Variants in ZNF681 observed in about 807,000 individuals in gnomAD.
The protein encoded by ZNF681 is hypothetical protein FLJ31526.
A neutral mutation model predicts 56.0 loss-of-function variants in ZNF681; 37 were observed. The observed-to-expected ratio is 0.66, with a 90% CI of 0.51 to 0.87. The LOEUF is 0.87. ZNF681 is among the 40% of genes least tolerant of loss of function. The pLI is 0.00. For synonymous variants in ZNF681, 225 were observed against 248.6 expected, an observed-to-expected ratio of 0.91 and a Z score of 0.89; for missense variants, 741 against 744.9, an observed-to-expected ratio of 0.99 and a Z score of 0.06.
In ZNF681 at chr19:23,743,972, T is replaced by G; in HGVS notation, c.1578A>C (p.Lys526Asn). 1 of 1,612,600 alleles carries G rather than the reference T, an allele frequency of 6.2e-7. No homozygotes were observed. Among genetic ancestry groups the G allele is most frequent in the Middle Eastern group, 1.7e-4 (1 of 6,052 alleles). The change falls in exon 4 of 4, where the codon AAA (lysine) becomes AAC (asparagine). Residue 526 changes from lysine to asparagine, a missense_variant. Coordinates refer to ENST00000402377, the MANE Select transcript of ZNF681 (RefSeq NM_138286.3). ...TGTAGGGTTTCTCTCCAGTATGAAT[T>G]TTCTTATGTTCAGTAAGTTTTGAGG... ...YRSSKLTEHKKIHTGEKPYTC... is the reference protein window; with the variant it reads ...YRSSKLTEHKNIHTGEKPYTC...
At chr19:23,748,272 A>G (rs1968974945) in intron 3 of ZNF681, among the ~76,000 whole-genome samples, 1 of 152,184 alleles carries the variant, frequency 6.6e-6, no homozygotes. Flanking sequence ...GAGGGTCATG[A>G]CCAACTCAGC....
At chr19:23,750,323 G>T (rs1331257642) in intron 3 of ZNF681, among the ~76,000 whole-genome samples, 1 of 142,970 alleles carries the variant, frequency 7.0e-6, no homozygotes, top group East Asian at 2.1e-4. Context: ...AACTAAGAAA[G>T]AATATATACA....
chr19:23,747,657 A>G (rs1453116225), intron 3 of ZNF681, among the ~76,000 whole-genome samples: 1 of 151,678 alleles, frequency 6.6e-6, no homozygotes, highest in East Asian at 1.9e-4. Context: ...AAAAAAAAAA[A>G]AAAATCCCCA....
At chr19:23,750,265 C>T in intron 3 of ZNF681, among the ~76,000 whole-genome samples, 1 of 124,682 alleles carries the variant, frequency 8.0e-6, no homozygotes, top group South Asian at 2.7e-4. Flanking sequence ...GCCTGGGCGA[C>T]AGAGTGAGAC....
Position 23,742,499 on chromosome 19 carries a change from A to T in ZNF681, c.*1113T>A, listed in dbSNP as rs1413202814. On this transcript the variant is annotated 3_prime_UTR_variant, in exon 4 of 4. Transcript: ENST00000402377. ...AGAGCAAAACTCTGTCTCAAAAAAA[A>T]AAAAAGTACAATTAGTAAAATGATA... 6.6e-6 allele frequency: 1 copy of T among 152,134 alleles called. No individual in the cohort carries two copies. The highest frequency in any genetic ancestry group is 1.5e-5 in the Non-Finnish European group (1 of 68,038). The allele number at this position is 152,134 out of a possible 1,614,324, so 9.4% of individuals were successfully genotyped here.
At position 23,739,716 on chromosome 19, in the gene ZNF681, A is replaced by G. The variant is rs1256292261; in HGVS notation, c.*3896T>C. The stretch of plus-strand genomic sequence containing the variant: ...ACGCAAAATAATAGAAAATGTTTTT[A>G]TCTAAAAGCTGCCATGATCTTCGAA... On this transcript the variant is annotated 3_prime_UTR_variant, in exon 4 of 4. Coordinates refer to ENST00000402377, the MANE Select transcript of ZNF681 (RefSeq NM_138286.3). 1 of 152,198 alleles carries G rather than the reference A, an allele frequency of 6.6e-6. No individual in the cohort carries two copies. The highest frequency in any genetic ancestry group is 2.4e-5 in the African/African-American group (1 of 41,448). The allele number at this position is 152,198 out of a possible 1,614,324, so 9.4% of individuals were successfully genotyped here.
rs773675910 is a variant in ZNF681 at position 23,744,494 on chromosome 19, G to C, written c.1056C>G (p.His352Gln). The change falls in exon 4 of 4, where the codon CAC (histidine) becomes CAG (glutamine). Residue 352 changes from histidine to glutamine, a missense_variant. Coordinates refer to ENST00000402377, the MANE Select transcript of ZNF681 (RefSeq NM_138286.3). The part of the protein sequence containing the change: ...ECGKAFNQSS[H>Q]LTRHKIIHTG... ...TATGAATTATCTTATGTCTGGTAAG[G>C]TGTGAGGACTGGTTAAAGGCTTTGC... 1 of 1,604,980 alleles carries C rather than the reference G, an allele frequency of 6.2e-7. No individual in the cohort carries two copies. Among genetic ancestry groups the C allele is most frequent in the Admixed American group, 1.7e-5 (1 of 58,544 alleles).
rs1968871677 is a variant in ZNF681 at position 23,741,328 on chromosome 19, G to C, written c.*2284C>G. The C allele has an allele frequency of 6.6e-6, 1 of 152,124 alleles. No homozygotes were observed. Among genetic ancestry groups the C allele is most frequent in the Non-Finnish European group, 1.5e-5 (1 of 68,022 alleles). The allele number at this position is 152,124 out of a possible 1,614,324, so 9.4% of individuals were successfully genotyped here. On this transcript the variant is annotated 3_prime_UTR_variant, in exon 4 of 4. Coordinates refer to ENST00000402377, the MANE Select transcript of ZNF681 (RefSeq NM_138286.3). ...ATAACAATTTTTTAATGTTAATTCAGGTCTCAGAAATGTATGCATTTTGTT... is the reference window on the plus strand; with the variant it reads ...ATAACAATTTTTTAATGTTAATTCACGTCTCAGAAATGTATGCATTTTGTT...
intron 1 of ZNF681, among the ~76,000 whole-genome samples, chr19:23,758,456 C>T (rs1418123921): frequency 6.6e-6 from 1 of 152,190 alleles, no homozygotes; most frequent in African/African-American, 2.4e-5. Context: ...CGTCAGGATT[C>T]GCCCCTGACG....
intron 1 of ZNF681, among the ~76,000 whole-genome samples, chr19:23,757,303 C>T (rs750091416): frequency 1.3e-5 from 2 of 151,796 alleles, no homozygotes; most frequent in African/African-American, 2.4e-5. Context: ...TTTATAACAC[C>T]CTGGGAGCTG....
At position 23,755,035 on chromosome 19, in the gene ZNF681, C is replaced by A. The variant is rs140612368; in HGVS notation, c.131-117G>T. On this transcript the variant is annotated intron_variant, in intron 2 of 3. Coordinates refer to ENST00000402377, the MANE Select transcript of ZNF681 (RefSeq NM_138286.3). The stretch of plus-strand genomic sequence containing the variant: ...ATTCTTGTAAATCAATCCCAAAATA[C>A]TGATTTATAAAAGAAATTTCTAAAT... 367 of 682,108 alleles carry A rather than the reference C, an allele frequency of 5.4e-4. 3 individuals are homozygous for A. In the East Asian group the frequency reaches 7.8e-3, roughly 14 times the overall value. The allele number at this position is 682,108 out of a possible 1,614,324, so 42.3% of individuals were successfully genotyped here. A position where few individuals can be genotyped will look rare whatever the true frequency, so the allele number is the denominator to read the frequency against.
rs1260271607 is a variant in ZNF681 at position 23,743,971 on chromosome 19, T to G, written c.1579A>C (p.Ile527Leu). The change falls in exon 4 of 4, where the codon ATT becomes CTT. Residue 527 changes from isoleucine to leucine, a missense_variant. Physicochemically the swap from Ile to Leu is conservative, Grantham distance 5. Transcript: ENST00000402377. Reference protein sequence around the residue: ...RSSKLTEHKKIHTGEKPYTCE... With the variant: ...RSSKLTEHKKLHTGEKPYTCE... ...GTGTAGGGTTTCTCTCCAGTATGAATTTTCTTATGTTCAGTAAGTTTTGAG... is the reference window on the plus strand; with the variant it reads ...GTGTAGGGTTTCTCTCCAGTATGAAGTTTCTTATGTTCAGTAAGTTTTGAG... 1 of 1,612,790 alleles carries G rather than the reference T, an allele frequency of 6.2e-7. No individual in the cohort carries two copies. The highest frequency in any genetic ancestry group is 8.5e-7 in the Non-Finnish European group (1 of 1,179,880).
rs1968879328 is a variant in ZNF681 at position 23,741,972 on chromosome 19, G to T, written c.*1640C>A. 1 of 151,926 alleles carries T rather than the reference G, an allele frequency of 6.6e-6. No homozygotes were observed. The highest frequency in any genetic ancestry group is 2.4e-5 in the African/African-American group (1 of 41,340). The allele number at this position is 151,926 out of a possible 1,614,324, so 9.4% of individuals were successfully genotyped here. ...TTCTCTGACTTATTTGCAATTTAAA[G>T]CCACTGGCAAAACAGATTACTAGAA... is the stretch of plus-strand genomic sequence containing the variant. On this transcript the variant is annotated 3_prime_UTR_variant, in exon 4 of 4. Coordinates refer to ENST00000402377, the MANE Select transcript of ZNF681 (RefSeq NM_138286.3).
rs1169636658 is a variant in ZNF681, at chr19:23,744,119, G to A, written c.1431C>T (p.Pro477=). 2 of 1,612,228 alleles carry A rather than the reference G, an allele frequency of 1.2e-6. No individual in the cohort carries two copies. Among genetic ancestry groups the A allele is most frequent in the Admixed American group, 3.3e-5 (2 of 60,000 alleles). The change falls in exon 4 of 4, where the codon CCC becomes CCT. Residue 477 remains proline, a synonymous_variant. Transcript: ENST00000402377. The part of the protein sequence containing the change: ...THKRIHTGEK[P]YKCEECGKAF... Reference sequence around the variant, plus strand: ...CTTTGCCACATTCTTCACATTTGTAGGGTTTCTCTCCAGTATGAATTCTTT... The same window carrying A: ...CTTTGCCACATTCTTCACATTTGTAAGGTTTCTCTCCAGTATGAATTCTTT...
rs1307845801 is a variant in ZNF681 at position 23,750,297 on chromosome 19, A to ACAC, written c.226+4525_226+4526insGTG. On this transcript the variant is annotated intron_variant, in intron 3 of 3. Coordinates refer to ENST00000402377, the MANE Select transcript of ZNF681 (RefSeq NM_138286.3). Reference sequence around the variant, plus strand: ...AGACTCCAACTCAAAAAAAAAAAAAAAAAAAACCAAAAAACAACTAAGAAA... The same window carrying ACAC: ...AGACTCCAACTCAAAAAAAAAAAAAACACAAAAAACCAAAAAACAACTAAGAAA... 6.2e-4 allele frequency among the ~76,000 whole-genome samples: 18 copies of ACAC among 29,154 alleles called. 2 individuals carry two copies. In the South Asian group the frequency reaches 0.01, roughly 17 times the overall value. The allele number at this position is 29,154 out of a possible 152,430, so 19.1% of individuals were successfully genotyped here.
intron 3 of ZNF681, among the ~76,000 whole-genome samples, chr19:23,751,491 G>C (rs932895798): frequency 8.3e-6 from 1 of 120,682 alleles, no homozygotes; most frequent in African/African-American, 3.1e-5. Flanking sequence ...AAAAAAAAAA[G>C]AAAACAAAAA....
rs763216744 is a variant in ZNF681, at chr19:23,754,856, T to C, written c.193A>G (p.Arg65Gly). ...TCGGCCACCATCCTATGTCTCTTTC[T>C]AGTCCAAGGCTCTTTTTCTTGTTCC... ...CLEQEKEPWT[R>G]KRHRMVAEPP... The change falls in exon 3 of 4, where the codon AGA becomes GGA. Residue 65 changes from arginine to glycine, a missense_variant. Coordinates refer to ENST00000402377, the MANE Select transcript of ZNF681 (RefSeq NM_138286.3). 32 of 1,614,024 alleles carry C rather than the reference T, an allele frequency of 2.0e-5. No homozygotes were observed. The highest frequency in any genetic ancestry group is 2.5e-5 in the Non-Finnish European group (30 of 1,180,020).
At chr19:23,756,235 GA>G (rs1969115891) in intron 1 of ZNF681, among the ~76,000 whole-genome samples, 1 of 151,948 alleles carries the variant, frequency 6.6e-6, no homozygotes, top group Non-Finnish European at 1.5e-5. Flanking sequence ...TGAGGCAGGA[GA>G]ATGGCGTGAA....
chr19:23,754,730 C>A (rs977435390), intron 3 of ZNF681, 93 bp downstream of exon 3: 9 of 1,026,014 alleles, frequency 8.8e-6, no homozygotes, highest in Non-Finnish European at 1.3e-5. Context: ...TGGAATACAG[C>A]TTCCCAAATC....
Sources: allele counts gnomAD v4.1 joint callset (sites outside exome capture counted in the v4.1 genomes callset), GRCh38; gene constraint gnomAD v4.1.1; transcripts MANE v1.5; gene names NCBI Gene and HGNC (gene_info 2026-07-23, HGNC 2026-07-21).